Variants in GPHN observed in about 807,000 individuals in gnomAD.
The protein encoded by GPHN is gephyrin.
GPHN carries 17 observed loss-of-function variants against 95.5 expected under a neutral mutation model. That is an observed-to-expected ratio of 0.18 (90% CI 0.12 to 0.27). The LOEUF (loss-of-function observed/expected upper bound fraction) is 0.27, where lower values mean the gene tolerates loss of function less well. GPHN is among the 10% of genes least tolerant of loss of function. The probability of loss-of-function intolerance (pLI) is 1.00; values close to 1 mark genes in which losing one functional copy is unlikely to be tolerated. For missense variants in GPHN, 660 were observed against 978.1 expected, an observed-to-expected ratio of 0.67 and a Z score of 4.34; for synonymous variants, 320 against 322.5, an observed-to-expected ratio of 0.99 and a Z score of 0.08.
intron 9 of GPHN, among the ~76,000 whole-genome samples, chr14:66,988,092 C>T (rs1462784208): frequency 4.0e-5 from 6 of 151,828 alleles, no homozygotes; most frequent in African/African-American, 1.5e-4. Context: ...CTCTCATCTC[C>T]ATCTTTTTCC....
the GPHN span, among the ~76,000 whole-genome samples, chr14:67,718,086 T>C: frequency 6.6e-6 from 1 of 152,116 alleles, no homozygotes; most frequent in Non-Finnish European, 1.5e-5. Context: ...TTAAAACAAA[T>C]ACAAAAAAAT....
chr14:66,661,125 A>G (rs1374007139), intron 1 of GPHN, among the ~76,000 whole-genome samples: 1 of 152,166 alleles, frequency 6.6e-6, no homozygotes, highest in African/African-American at 2.4e-5. Flanking sequence ...ATTTACCCCT[A>G]GGAAGGGATC....
the GPHN span, chr14:67,199,112 G>C: frequency 5.5e-6 from 7 of 1,261,838 alleles, no homozygotes; most frequent in South Asian, 4.8e-5. Flanking sequence ...CTGTGTACGT[G>C]GGGGGCCTGA....
At chr14:67,020,151 A>T (rs1291343447) in intron 9 of GPHN, among the ~76,000 whole-genome samples, 1 of 152,052 alleles carries the variant, frequency 6.6e-6, no homozygotes, top group Non-Finnish European at 1.5e-5. Context: ...TTGGTGTGAG[A>T]TTCATGTGTT....
At chr14:67,239,456 G>T in the GPHN span, among the ~76,000 whole-genome samples, 1 of 152,156 alleles carries the variant, frequency 6.6e-6, no homozygotes, top group Non-Finnish European at 1.5e-5. Context: ...GAATTATCCA[G>T]CCCAAATGTC....
rs1192026343 is a variant in GPHN at position 66,647,347 on chromosome 14, A to G, written c.65-33760A>G. 3.3e-5 allele frequency among the ~76,000 whole-genome samples: 5 copies of G among 151,496 alleles called. No individual in the cohort carries two copies. In the Admixed American group the frequency reaches 3.3e-4, roughly 10 times the overall value. ...CCTTTTAAAAAAGATTTAAAAATGT[A>G]TAGTAAATGCCCACATGATTCTCAC... On this transcript the variant is annotated intron_variant, in intron 1 of 22. Coordinates refer to ENST00000478722, the MANE Select transcript of GPHN (RefSeq NM_020806.5).
chr14:67,485,285 A>G, the GPHN span, among the ~76,000 whole-genome samples: 24 of 152,152 alleles, frequency 1.6e-4, no homozygotes, highest in Non-Finnish European at 3.1e-4. Context: ...CCCCTCCTAC[A>G]GTCTAGGCTT....
At chr14:67,692,671 AT>A in the GPHN span, 1 of 1,487,572 alleles carries the variant, frequency 6.7e-7, no homozygotes, top group Non-Finnish European at 9.0e-7. Context: ...TATTTCCAAC[AT>A]TTTTTTAAAA....
chr14:67,298,080 A>T, the GPHN span, among the ~76,000 whole-genome samples: 1 of 152,152 alleles, frequency 6.6e-6, no homozygotes, highest in Non-Finnish European at 1.5e-5. Flanking sequence ...ATGCCAGGAG[A>T]TAGGGCTGGA....
the GPHN span, among the ~76,000 whole-genome samples, chr14:67,612,317 T>C: frequency 3.3e-5 from 5 of 151,904 alleles, no homozygotes; most frequent in African/African-American, 1.2e-4. Flanking sequence ...GAAGGGGAGG[T>C]ATGTAAATAT....
At chr14:66,883,874 G>A (rs191980173) in intron 5 of GPHN, among the ~76,000 whole-genome samples, 157 of 152,102 alleles carry the variant, frequency 1.0e-3, no homozygotes, top group Non-Finnish European at 1.5e-3. Flanking sequence ...TCACAGCTCA[G>A]GGATGACCCT....
chr14:67,401,357 T>TAA, the GPHN span, among the ~76,000 whole-genome samples: 1 of 151,530 alleles, frequency 6.6e-6, no homozygotes, highest in Non-Finnish European at 1.5e-5. Context: ...AACAAATAAA[T>TAA]AAAAATTAGC....
chr14:66,939,168 A>G (rs1479689242), intron 8 of GPHN, among the ~76,000 whole-genome samples: 1 of 152,190 alleles, frequency 6.6e-6, no homozygotes, highest in Non-Finnish European at 1.5e-5. Context: ...ACAACAGCAA[A>G]AAGTACACAA....
intron 11 of GPHN, among the ~76,000 whole-genome samples, chr14:67,063,500 T>A (rs1306300904): frequency 2.0e-5 from 3 of 152,204 alleles, no homozygotes; most frequent in Non-Finnish European, 4.4e-5. Flanking sequence ...GGGTTGGCAT[T>A]GAATCTATAA....
At chr14:66,817,917 T>C (rs1013876442) in intron 3 of GPHN, among the ~76,000 whole-genome samples, 1 of 152,094 alleles carries the variant, frequency 6.6e-6, no homozygotes, top group Non-Finnish European at 1.5e-5. Context: ...TCCAGCCCAG[T>C]TGCAAGGGTT....
chr14:66,642,560 T>G (rs78940069), intron 1 of GPHN, among the ~76,000 whole-genome samples: 2 of 72,808 alleles, frequency 2.7e-5, no homozygotes, highest in East Asian at 7.2e-4. Flanking sequence ...TTGATTTTTG[T>G]TTTTTTTTTT....
chr14:66,577,530 A>G (rs1363161702), intron 1 of GPHN, among the ~76,000 whole-genome samples: 2 of 152,132 alleles, frequency 1.3e-5, no homozygotes, highest in African/African-American at 4.8e-5. Context: ...TCTTCAAGTA[A>G]CTGAAGACAT....
intron 9 of GPHN, among the ~76,000 whole-genome samples, chr14:66,971,636 C>T (rs920638238): frequency 6.6e-6 from 1 of 151,946 alleles, no homozygotes; most frequent in African/African-American, 2.4e-5. Flanking sequence ...TTCTTTGATA[C>T]CATACCAAAA....
chr14:66,901,422 T>C (rs1038092229), intron 5 of GPHN, among the ~76,000 whole-genome samples: 2 of 152,088 alleles, frequency 1.3e-5, no homozygotes, highest in East Asian at 3.8e-4. Context: ...TTGTTGCTTG[T>C]GGTTTTGAAG....
Sources: allele counts gnomAD v4.1 joint callset (sites outside exome capture counted in the v4.1 genomes callset), GRCh38; gene constraint gnomAD v4.1.1; transcripts MANE v1.5; gene names NCBI Gene and HGNC (gene_info 2026-07-23, HGNC 2026-07-21).